EML6: variants seen among roughly 807,000 people sequenced by gnomAD.
EML6 encodes echinoderm microtubule-associated protein-like 6.
Under a neutral mutation model 240.1 loss-of-function variants are expected in EML6, and 154 were observed. The ratio of observed to expected loss-of-function variants is 0.64; its 90% CI spans 0.56 to 0.73. EML6 has a LOEUF of 0.73. Ranked by LOEUF, EML6 falls within the 30% of genes least tolerant of loss-of-function variation. The pLI is 0.00. For missense variants in EML6, 2,964 were observed against 2,474.6 expected, an observed-to-expected ratio of 1.20 and a Z score of -4.20; for synonymous variants, 1,148 against 899.0, an observed-to-expected ratio of 1.28 and a Z score of -4.95.
At chr2:54,937,351 G>T (rs890275050) in intron 28 of EML6, among the ~76,000 whole-genome samples, 1 of 151,436 alleles carries the variant, frequency 6.6e-6, no homozygotes, top group Admixed American at 6.6e-5. Context: ...TTGGGAAGCC[G>T]AGGCAGGAGG....
intron 5 of EML6, among the ~76,000 whole-genome samples, chr2:54,824,005 C>T (rs988456511): frequency 6.6e-6 from 1 of 151,972 alleles, no homozygotes; most frequent in Non-Finnish European, 1.5e-5. Context: ...CCTAGGGTCA[C>T]AAAAATGATG....
chr2:54,916,464 A>G (rs1673913958), intron 25 of EML6, among the ~76,000 whole-genome samples: 1 of 151,872 alleles, frequency 6.6e-6, no homozygotes, highest in East Asian at 1.9e-4. Flanking sequence ...TGGCTTATAC[A>G]ATGATAAATG....
At chr2:54,737,725 T>C (rs756850068) in intron 2 of EML6, among the ~76,000 whole-genome samples, 7 of 152,194 alleles carry the variant, frequency 4.6e-5, no homozygotes, top group Admixed American at 6.5e-5. Flanking sequence ...ATTGCAGTCT[T>C]TGCTGTATAA....
rs906738432 is a variant in EML6, at chr2:54,968,226, C to T, written c.5696C>T (p.Thr1899Ile). The T allele has an allele frequency of 1.9e-6, 3 of 1,551,644 alleles. No homozygotes were observed. In the Admixed American group the frequency reaches 5.9e-5, roughly 30 times the overall value. ...CVTHAGLNIV[T>I]GDDFGLVKLF... ...ACCCACGCTGGCCTGAACATTGTCA[C>T]AGGAGATGACTTTGGGCTGGTGAAG... is the stretch of plus-strand genomic sequence containing the variant. Residue 1899 changes from threonine (T) to isoleucine (I), a missense_variant, in exon 40 of 42, where the codon ACA (threonine) becomes ATA (isoleucine). Transcript: ENST00000356458.
rs1324921471 is a variant in EML6 at position 54,725,072 on chromosome 2, G to A, written c.11G>A (p.Arg4Gln). 1 of 1,525,690 alleles carries A rather than the reference G, an allele frequency of 6.6e-7. No homozygotes were observed. The allele number at this position is 1,525,690 out of a possible 1,614,324, so 94.5% of individuals were successfully genotyped here. The part of the protein sequence containing the change: MAD[R>Q]TAPRCQLRLE... ...CGGGGTCGGCTTATCATGGCGGATC[G>A]GACGGCGCCCCGCTGCCAGCTCCGG... The change falls in exon 2 of 42, where the codon CGG becomes CAG. Residue 4 changes from arginine (R) to glutamine (Q), a missense_variant. Physicochemically the swap from Arg to Gln is conservative, Grantham distance 43. Coordinates refer to ENST00000356458, the MANE Select transcript of EML6 (RefSeq NM_001039753.4). This position sits in a 1 kb window ranked among gnomAD's most constrained non-coding sequence, Gnocchi z 4.3.
chr2:54,931,822 C>T (rs867555349), intron 28 of EML6, among the ~76,000 whole-genome samples: 1 of 152,182 alleles, frequency 6.6e-6, no homozygotes, highest in African/African-American at 2.4e-5. Context: ...AGCTCTACCT[C>T]TGGTAAATCC....
Position 54,853,855 on chromosome 2 carries a change from G to C in EML6, c.1657G>C (p.Gly553Arg). Residue 553 changes from glycine (G) to arginine (R), a missense_variant and splice_region_variant, in exon 11 of 42, where the codon GGA becomes CGA. By Grantham distance (125) the Gly-to-Arg change is moderately radical. Coordinates refer to ENST00000356458, the MANE Select transcript of EML6 (RefSeq NM_001039753.4). ...KLFKFPCLKR[G>R]AKFRKYVGHS... ...GTTTAAATTTCCTTGTCTCAAGAGA[G>C]GTAAGGCCAAAAGAGATGTTTCATT... 1.3e-6 allele frequency: 2 copies of C among 1,546,158 alleles called. No individual in the cohort carries two copies. Among genetic ancestry groups the C allele is most frequent in the Non-Finnish European group, 1.8e-6 (2 of 1,142,444 alleles).
intron 11 of EML6, 150 bp downstream of exon 11, chr2:54,854,005 T>C: frequency 2.0e-6 from 1 of 495,566 alleles, no homozygotes; most frequent in East Asian, 3.3e-5. Context: ...TTAAATAGAA[T>C]GTGTTGATGT....
At chr2:54,765,937 C>T (rs1668170624) in intron 2 of EML6, among the ~76,000 whole-genome samples, 1 of 152,028 alleles carries the variant, frequency 6.6e-6, no homozygotes, top group South Asian at 2.1e-4. Context: ...ACCAATATAC[C>T]TTTCACCCAG....
At chr2:54,920,211 G>A (rs1415475691) in intron 26 of EML6, among the ~76,000 whole-genome samples, 1 of 151,936 alleles carries the variant, frequency 6.6e-6, no homozygotes, top group Non-Finnish European at 1.5e-5. Flanking sequence ...ACTATAAAGA[G>A]AATAGAAAAG....
chr2:54,879,070 G>T lies in EML6; in HGVS notation c.2345-477G>T, dbSNP rs143984309. On this transcript the variant is annotated intron_variant, in intron 16 of 41. Coordinates refer to ENST00000356458, the MANE Select transcript of EML6 (RefSeq NM_001039753.4). ...TAGTTTCTATAATGTTCCTAATTTG[G>T]AGAATTAACTGAACCCAGTTTTTAG... is the stretch of plus-strand genomic sequence containing the variant. 7.5e-4 allele frequency among the ~76,000 whole-genome samples: 114 copies of T among 152,260 alleles called. 1 individual carries two copies. Among genetic ancestry groups the T allele is most frequent in the African/African-American group, 2.6e-3 (110 of 41,558 alleles).
intron 26 of EML6, among the ~76,000 whole-genome samples, chr2:54,917,164 A>T (rs114685093): frequency 1.3e-5 from 2 of 152,182 alleles, no homozygotes; most frequent in East Asian, 1.9e-4. Context: ...ACCAAATCCA[A>T]CATCTCACAA....
intron 2 of EML6, among the ~76,000 whole-genome samples, chr2:54,801,263 C>T (rs941970268): frequency 1.5e-4 from 22 of 147,690 alleles, no homozygotes; most frequent in Admixed American, 8.2e-4. Context: ...TGCAGTGAGC[C>T]GAGATCTCAC....
At chr2:54,767,395 G>A (rs925855461) in intron 2 of EML6, among the ~76,000 whole-genome samples, 1 of 151,792 alleles carries the variant, frequency 6.6e-6, no homozygotes, top group Non-Finnish European at 1.5e-5. Flanking sequence ...CATGTAAATA[G>A]ATATTTATAT....
intron 7 of EML6, among the ~76,000 whole-genome samples, chr2:54,842,923 A>G (rs1669540735): frequency 6.6e-6 from 1 of 152,202 alleles, no homozygotes; most frequent in African/African-American, 2.4e-5. Flanking sequence ...GTTTGATGGT[A>G]TTTTGAGATT....
intron 11 of EML6, among the ~76,000 whole-genome samples, chr2:54,855,368 A>C (rs762111787): frequency 2.0e-5 from 3 of 152,094 alleles, no homozygotes; most frequent in Non-Finnish European, 2.9e-5. Flanking sequence ...GATCTCATGA[A>C]AATTTGTTCA....
At chr2:54,803,206 A>G (rs1442040271) in intron 2 of EML6, among the ~76,000 whole-genome samples, 4 of 152,210 alleles carry the variant, frequency 2.6e-5, no homozygotes, top group Non-Finnish European at 4.4e-5. Flanking sequence ...GAGCTGCCAT[A>G]GTGTGGTGTC....
At chr2:54,843,147 G>T (rs1038824586) in intron 7 of EML6, among the ~76,000 whole-genome samples, 2 of 152,278 alleles carry the variant, frequency 1.3e-5, no homozygotes, top group Admixed American at 1.3e-4. Context: ...TTATTCTGAA[G>T]GTTAGGTTTT....
At chr2:54,805,738 C>G (rs906455274) in intron 2 of EML6, among the ~76,000 whole-genome samples, 3 of 152,050 alleles carry the variant, frequency 2.0e-5, no homozygotes, top group Non-Finnish European at 2.9e-5. Context: ...TCTAAGAGAC[C>G]ATTATCTTTC....
Sources: gnomAD v4.1 joint callset for allele counts (sites outside exome capture counted in the v4.1 genomes callset) on GRCh38, gnomAD v4.1.1 for gene constraint, Gnocchi (gnomAD v3.1) non-coding constraint, MANE v1.5 for transcripts, NCBI Gene and HGNC (gene_info 2026-07-23, HGNC 2026-07-21) for gene names.